The following CFAP47 variants were observed in gnomAD, a reference collection of about 807,000 sequenced individuals.
CFAP47 encodes cilia- and flagella-associated protein 47.
In CFAP47, 29 loss-of-function variants were observed where a neutral mutation model predicts 148.1. The ratio of observed to expected loss-of-function variants is 0.20; its 90% CI spans 0.15 to 0.27. CFAP47 has a LOEUF of 0.27. Among genes scored for constraint, CFAP47 ranks in the 10% least tolerant of loss-of-function variants. The probability of loss-of-function intolerance (pLI) is 1.00; values close to 1 mark genes in which losing one functional copy is unlikely to be tolerated. For missense variants in CFAP47, 1,872 were observed against 1,697.5 expected (o/e 1.10, Z -1.81); for synonymous variants, 664 against 577.3 (o/e 1.15, Z -2.15).
In CFAP47 at chrX:36,173,993, G is replaced by C. The variant is rs765546393; in HGVS notation, c.6027-5352G>C. Among the ~76,000 whole-genome samples the C allele has an allele frequency of 1.9e-4, 21 of 110,250 alleles. No individual in the cohort carries two copies. The East Asian group carries it at 4.9e-3, about 26-fold the overall frequency. On this transcript the variant is annotated intron_variant, in intron 39 of 63. Coordinates refer to ENST00000378653, the MANE Select transcript of CFAP47 (RefSeq NM_001304548.2). The stretch of plus-strand genomic sequence containing the variant: ...ATGAATCTGGGTGCACCTGTATTGG[G>C]TGCATATATATTTAGGATAGTTAGC...
intron 2 of CFAP47, among the ~76,000 whole-genome samples, chrX:35,931,807 G>A (rs1347069595): frequency 9.0e-6 from 1 of 111,091 alleles, no homozygotes; most frequent in Non-Finnish European, 1.9e-5. Context: ...ATTTCCATTT[G>A]AGTCTTTTTT....
chrX:35,975,782 G>T lies in CFAP47; in HGVS notation c.2582G>T (p.Arg861Leu), dbSNP rs758566001. Reference protein sequence around the residue: ...LSSNELVLRPRGFFMKTCFRG... With the variant: ...LSSNELVLRPLGFFMKTCFRG... ...TCTAATGAGCTAGTATTGAGACCACGAGGCTTCTTCATGAAAACATGTTTT... is the reference window on the plus strand; with the variant it reads ...TCTAATGAGCTAGTATTGAGACCACTAGGCTTCTTCATGAAAACATGTTTT... Residue 861 changes from arginine to leucine, a missense_variant, in exon 15 of 64, where the codon CGA (arginine) becomes CTA (leucine). Coordinates refer to ENST00000378653, the MANE Select transcript of CFAP47 (RefSeq NM_001304548.2). 3.3e-6 allele frequency: 4 copies of T among 1,210,666 alleles called. No individual in the cohort carries two copies. The highest frequency in any genetic ancestry group is 2.2e-5 in the Admixed American group (1 of 45,968).
At chrX:35,955,581 T>C (rs745912296) in intron 7 of CFAP47, among the ~76,000 whole-genome samples, 8 of 111,683 alleles carry the variant, frequency 7.2e-5, no homozygotes, top group Non-Finnish European at 1.5e-4. Context: ...TATCTCCCTA[T>C]CAGAGAAGCC....
intron 40 of CFAP47, among the ~76,000 whole-genome samples, chrX:36,184,376 G>T (rs1179380700): frequency 7.2e-5 from 8 of 111,224 alleles, no homozygotes; most frequent in Non-Finnish European, 5.6e-5. Flanking sequence ...CATGCAAGGG[G>T]AAATAAAAGA....
intron 4 of CFAP47, among the ~76,000 whole-genome samples, chrX:35,949,185 G>A (rs1376819488): frequency 2.1e-5 from 2 of 96,872 alleles, no homozygotes; most frequent in Admixed American, 2.4e-4. Context: ...TCCGGCACTG[G>A]AATATAAAAT....
chrX:36,043,875 G>A (rs1406325758), intron 25 of CFAP47, among the ~76,000 whole-genome samples: 1 of 112,744 alleles, frequency 8.9e-6, no homozygotes, highest in Non-Finnish European at 1.9e-5. Flanking sequence ...TCTAGCAGAG[G>A]TTCTCCATGA....
intron 10 of CFAP47, among the ~76,000 whole-genome samples, chrX:35,968,584 C>T (rs1057268271): frequency 9.0e-6 from 1 of 111,147 alleles, no homozygotes; most frequent in African/African-American, 3.3e-5. Context: ...TTTGGGCTTT[C>T]TGCACTTGTC....
chrX:36,128,617 C>A (rs1200981998), intron 33 of CFAP47, among the ~76,000 whole-genome samples: 1 of 110,202 alleles, frequency 9.1e-6, no homozygotes, highest in Non-Finnish European at 1.9e-5. Context: ...TTAAACAGAG[C>A]ATATTTAACA....
intron 21 of CFAP47, among the ~76,000 whole-genome samples, chrX:36,002,881 C>T (rs1936932540): frequency 9.0e-6 from 1 of 110,905 alleles, no homozygotes; most frequent in African/African-American, 3.3e-5. Context: ...AAAATGTAAG[C>T]TGTTATTTGG....
chrX:36,162,958 G>A (rs1939447618), intron 39 of CFAP47, among the ~76,000 whole-genome samples: 2 of 111,521 alleles, frequency 1.8e-5, no homozygotes, highest in South Asian at 7.4e-4. Context: ...TCTATTGTTT[G>A]GAATACTTTG....
At chrX:36,248,736 T>C in intron 48 of CFAP47, among the ~76,000 whole-genome samples, 1 of 110,612 alleles carries the variant, frequency 9.0e-6, no homozygotes, top group East Asian at 2.8e-4. Flanking sequence ...ATAAATATTC[T>C]TCTCAAGCAT....
At chrX:36,114,315 C>A (rs1228754303) in intron 33 of CFAP47, among the ~76,000 whole-genome samples, 2 of 111,435 alleles carry the variant, frequency 1.8e-5, no homozygotes, top group African/African-American at 6.5e-5. Flanking sequence ...TCTCCATGAT[C>A]CTTATTCCTA....
chrX:35,934,399 G>T (rs369415646), intron 2 of CFAP47, among the ~76,000 whole-genome samples: 1 of 110,642 alleles, frequency 9.0e-6, no homozygotes, highest in African/African-American at 3.3e-5. Flanking sequence ...AAGGCCCAAG[G>T]TCTCTTTAGT....
chrX:36,027,238 G>A (rs1187712394), intron 22 of CFAP47, among the ~76,000 whole-genome samples: 2 of 107,248 alleles, frequency 1.9e-5, no homozygotes, highest in Admixed American at 2.1e-4. Flanking sequence ...TGTCTTACAT[G>A]CATATGTTGC....
intron 39 of CFAP47, among the ~76,000 whole-genome samples, chrX:36,170,219 A>G (rs1301814738): frequency 6.3e-5 from 7 of 111,985 alleles, no homozygotes; most frequent in Middle Eastern, 4.2e-3. Context: ...CTGAAAAAGT[A>G]AATTTTCACA....
chrX:36,148,600 C>T (rs1404539516), intron 36 of CFAP47, among the ~76,000 whole-genome samples: 2 of 112,000 alleles, frequency 1.8e-5, no homozygotes, highest in African/African-American at 3.3e-5. Flanking sequence ...AGGAAGGAGA[C>T]AGCCAACCCT....
Position 35,924,220 on chromosome X carries a change from T to C in CFAP47, c.250-1797T>C, listed in dbSNP as rs920938790. Among the ~76,000 whole-genome samples, 674 of 103,058 alleles carry C rather than the reference T, an allele frequency of 6.5e-3. 60 individuals carry two copies. Among genetic ancestry groups the C allele is most frequent in the African/African-American group, 0.024 (617 of 25,795 alleles). 89.5% of individuals were successfully genotyped at this position (103,058 alleles called of 115,157 possible). On this transcript the variant is annotated intron_variant, in intron 1 of 63. Coordinates refer to ENST00000378653, the MANE Select transcript of CFAP47 (RefSeq NM_001304548.2). The stretch of plus-strand genomic sequence containing the variant: ...ATATATGGACATGTATGTGTGCATG[T>C]ATGTGTATATATGGACATGTATGTG...
Position 35,920,057 on chromosome X carries a change from C to G in CFAP47, c.249+9C>G, listed in dbSNP as rs1354175899. ...AGCCCGTCAAGCCACAGGTGACACACTAAGGGGTGCTGGGAGCGGGACCTT... is the reference window on the plus strand; with the variant it reads ...AGCCCGTCAAGCCACAGGTGACACAGTAAGGGGTGCTGGGAGCGGGACCTT... On this transcript the variant is annotated intron_variant, in intron 1 of 63. Coordinates refer to ENST00000378653, the MANE Select transcript of CFAP47 (RefSeq NM_001304548.2). 1 of 1,171,339 alleles carries G rather than the reference C, an allele frequency of 8.5e-7. No homozygotes were observed. Among genetic ancestry groups the G allele is most frequent in the Non-Finnish European group, 1.1e-6 (1 of 872,657 alleles).
rs139572592 is a variant in CFAP47 at position 35,927,877 on chromosome X, G to A, written c.401+1709G>A. ...TTACATAAATCGAATCACACACTAT[G>A]TAGCCTTCTGTTTTTTTCTTGCAGC... On this transcript the variant is annotated intron_variant, in intron 2 of 63. Coordinates refer to ENST00000378653, the MANE Select transcript of CFAP47 (RefSeq NM_001304548.2). 4.8e-3 allele frequency among the ~76,000 whole-genome samples: 527 copies of A among 109,782 alleles called. 2 individuals are homozygous for A. The highest frequency in any genetic ancestry group is 0.016 in the African/African-American group (489 of 30,219).
Sources: allele counts gnomAD v4.1 joint callset (sites outside exome capture counted in the v4.1 genomes callset), GRCh38; gene constraint gnomAD v4.1.1; transcripts MANE v1.5; gene names NCBI Gene and HGNC (gene_info 2026-07-23, HGNC 2026-07-21).